RPA3: variants seen among roughly 807,000 people sequenced by gnomAD.
RPA3 encodes replication protein A3.
RPA3 carries 24 observed loss-of-function variants against 13.7 expected under a neutral mutation model. The observed-to-expected ratio is 1.75, with a 90% CI of 1.27 to 2.46. The LOEUF (loss-of-function observed/expected upper bound fraction) is 2.46. Among genes scored for constraint, RPA3 ranks in the 30% most tolerant of loss-of-function variants. RPA3 has a pLI of 0.00. For missense variants in RPA3, 183 were observed against 151.0 expected (o/e 1.21, Z -1.11); for synonymous variants, 59 against 51.2 (o/e 1.15, Z -0.65).
chr7:7,648,295 G>T (rs553924870), intron 4 of RPA3, among the ~76,000 whole-genome samples: 5 of 151,810 alleles, frequency 3.3e-5, no homozygotes, highest in African/African-American at 1.2e-4. Flanking sequence ...AGTTTTCTCC[G>T]CTTAAGTTTT....
intron 4 of RPA3, among the ~76,000 whole-genome samples, chr7:7,678,302 C>G (rs1779799780): frequency 6.6e-6 from 1 of 150,952 alleles, no homozygotes; most frequent in Non-Finnish European, 1.5e-5. Context: ...GATGATATCT[C>G]ATTTTGATTT....
chr7:7,681,956 AC>A (rs1779923629), intron 4 of RPA3, among the ~76,000 whole-genome samples: 1 of 152,200 alleles, frequency 6.6e-6, no homozygotes, highest in Non-Finnish European at 1.5e-5. Flanking sequence ...AGGAAAAATA[AC>A]AACAAAAAGT....
At chr7:7,650,718 G>A (rs1328962080) in intron 4 of RPA3, among the ~76,000 whole-genome samples, 1 of 152,196 alleles carries the variant, frequency 6.6e-6, no homozygotes, top group Admixed American at 6.5e-5. Context: ...TACTAATCCA[G>A]CCATTCTGCA....
chr7:7,704,484 G>A (rs1031826946), intron 2 of RPA3, among the ~76,000 whole-genome samples: 1 of 151,446 alleles, frequency 6.6e-6, no homozygotes, highest in African/African-American at 2.4e-5. Flanking sequence ...GGCCGGGCGC[G>A]GTGGCTCATG....
intron 4 of RPA3, among the ~76,000 whole-genome samples, chr7:7,665,483 ACT>A (rs973515176): frequency 5.3e-5 from 8 of 152,220 alleles, no homozygotes; most frequent in Admixed American, 5.2e-4. Context: ...GTGAACTAAA[ACT>A]TACATGTGAC....
intron 2 of RPA3, among the ~76,000 whole-genome samples, chr7:7,712,998 A>G (rs1306706253): frequency 6.6e-6 from 1 of 152,032 alleles, no homozygotes; most frequent in Admixed American, 6.6e-5. Flanking sequence ...AGACTAGCCT[A>G]TTGTGTCAAT....
chr7:7,717,066 T>C (rs1020438544), intron 1 of RPA3, among the ~76,000 whole-genome samples: 5 of 150,860 alleles, frequency 3.3e-5, no homozygotes, highest in Admixed American at 6.6e-5. Context: ...TTTTCTTTTT[T>C]TTTTTTTTGA....
At chr7:7,708,486 A>G (rs1780664093) in intron 2 of RPA3, among the ~76,000 whole-genome samples, 1 of 152,208 alleles carries the variant, frequency 6.6e-6, no homozygotes, top group Non-Finnish European at 1.5e-5. Context: ...TTTGGATATA[A>G]GGGGATCAGG....
chr7:7,638,227 A>G, intron 6 of RPA3: 1 of 336,414 alleles, frequency 3.0e-6, no homozygotes. Context: ...CAAAATCACT[A>G]TTGAAAACGT....
intron 4 of RPA3, among the ~76,000 whole-genome samples, chr7:7,663,926 G>C (rs893108377): frequency 6.6e-6 from 1 of 152,100 alleles, no homozygotes; most frequent in South Asian, 2.1e-4. Context: ...AGCTAGCCAG[G>C]AAATCTACTG....
chr7:7,657,693 C>T, intron 4 of RPA3, among the ~76,000 whole-genome samples: 1 of 152,080 alleles, frequency 6.6e-6, no homozygotes, highest in Admixed American at 6.6e-5. Context: ...GTACCCATAC[C>T]ATGCTGTTTT....
rs923519344 is a variant in RPA3 at position 7,685,449 on chromosome 7, A to G, written c.-758+381T>C. Reference sequence around the variant, plus strand: ...CTCAGCCTTCCGAGTAGCTGGGACTACAGGTGTGCGCCACCACGCCCACCA... The same window carrying G: ...CTCAGCCTTCCGAGTAGCTGGGACTGCAGGTGTGCGCCACCACGCCCACCA... On this transcript the variant is annotated intron_variant, in intron 4 of 7. Transcript: ENST00000223129. Among the ~76,000 whole-genome samples, 15 of 151,884 alleles carry G rather than the reference A, an allele frequency of 9.9e-5. No individual in the cohort carries two copies. The East Asian group carries it at 1.4e-3, about 14-fold the overall frequency.
In RPA3 at chr7:7,714,853, CTTTTTTTTT is replaced by C; in HGVS notation, c.-1028+313_-1028+321del. 1.8e-5 allele frequency among the ~76,000 whole-genome samples: 2 copies of C among 111,176 alleles called. 1 individual carries two copies. The highest frequency in any genetic ancestry group is 5.2e-4 in the East Asian group (2 of 3,822). The allele number at this position is 111,176 out of a possible 152,430, so 72.9% of individuals were successfully genotyped here. A position where few individuals can be genotyped will look rare whatever the true frequency, so the allele number is the denominator to read the frequency against. On this transcript the variant is annotated intron_variant, in intron 2 of 7. Transcript: ENST00000223129. ...ATGAACTGGTTGTTCAAAAATTTTT[CTTTTTTTTT>C]TTTTTTTTTTAGTTGATAGTAACAC...
intron 4 of RPA3, among the ~76,000 whole-genome samples, chr7:7,657,415 A>C (rs1446766836): frequency 6.6e-6 from 1 of 152,162 alleles, no homozygotes; most frequent in Non-Finnish European, 1.5e-5. Context: ...GGTATTGCCT[A>C]GGTTTTCTTC....
intron 2 of RPA3, among the ~76,000 whole-genome samples, chr7:7,701,189 A>G (rs1033313209): frequency 6.6e-6 from 1 of 152,200 alleles, no homozygotes; most frequent in African/African-American, 2.4e-5. Context: ...GGAGGAATGG[A>G]ATCTATCATA....
chr7:7,670,936 C>G (rs1583716269), intron 4 of RPA3, among the ~76,000 whole-genome samples: 1 of 152,204 alleles, frequency 6.6e-6, no homozygotes, highest in East Asian at 1.9e-4. Flanking sequence ...AGAGGCTCCT[C>G]CATCCATTGT....
At chr7:7,665,492 T>TGAC (rs1403187548) in intron 4 of RPA3, among the ~76,000 whole-genome samples, 1 of 152,238 alleles carries the variant, frequency 6.6e-6, no homozygotes, top group Admixed American at 6.5e-5. Flanking sequence ...AACTTACATG[T>TGAC]GACATCTAAT....
chr7:7,707,940 A>G (rs1780646925), intron 2 of RPA3, among the ~76,000 whole-genome samples: 2 of 152,200 alleles, frequency 1.3e-5, no homozygotes, highest in South Asian at 2.1e-4. Flanking sequence ...TCATGTTTTA[A>G]GCATGTTTAG....
intron 1 of RPA3, among the ~76,000 whole-genome samples, chr7:7,715,525 T>G (rs1454782162): frequency 1.3e-5 from 2 of 152,196 alleles, no homozygotes; most frequent in East Asian, 3.8e-4. Flanking sequence ...ATCTGAATAT[T>G]TCTGTGTGCT....
Sources: gnomAD v4.1 joint callset for allele counts (sites outside exome capture counted in the v4.1 genomes callset) on GRCh38, gnomAD v4.1.1 for gene constraint, MANE v1.5 for transcripts, NCBI Gene and HGNC (gene_info 2026-07-23, HGNC 2026-07-21) for gene names.